The following MTMR9 variants were observed in gnomAD, a reference collection of about 807,000 sequenced individuals.
MTMR9 encodes the protein myotubularin-related protein 9.
Under a neutral mutation model 69.5 loss-of-function variants are expected in MTMR9, and 39 were observed. The ratio of observed to expected loss-of-function variants is 0.56; its 90% CI spans 0.43 to 0.73. MTMR9 has a LOEUF of 0.73. MTMR9 is among the 30% of genes least tolerant of loss of function. The pLI, the probability that MTMR9 is intolerant of heterozygous loss-of-function variation, is 0.00. For synonymous variants in MTMR9, 354 were observed against 240.8 expected, an observed-to-expected ratio of 1.47 and a Z score of -4.35; for missense variants, 900 against 671.2, an observed-to-expected ratio of 1.34 and a Z score of -3.77.
At chr8:11,299,189 G>A (rs1310592868) in intron 2 of MTMR9, among the ~76,000 whole-genome samples, 1 of 152,118 alleles carries the variant, frequency 6.6e-6, no homozygotes, top group Non-Finnish European at 1.5e-5. Context: ...AATTAGCTGG[G>A]TGTGGTGGCA....
chr8:11,299,284 C>G (rs376114057), intron 2 of MTMR9, among the ~76,000 whole-genome samples: 2 of 152,130 alleles, frequency 1.3e-5, no homozygotes, highest in Admixed American at 1.3e-4. Context: ...GAGCCGAGAT[C>G]GCGCCATTCT....
At chr8:11,306,143 C>G (rs1799929937) in intron 4 of MTMR9, 47 bp from the exon 5 acceptor site, 3 of 1,550,764 alleles carry the variant, frequency 1.9e-6, no homozygotes, top group African/African-American at 2.7e-5. Context: ...TTTTCAGAAA[C>G]TTTAAAAGCA....
At chr8:11,294,826 C>G (rs1053491495) in intron 1 of MTMR9, 2 of 156,114 alleles carry the variant, frequency 1.3e-5, no homozygotes, top group Admixed American at 1.3e-4. Context: ...ATATGTATCA[C>G]TTGGAAGTAA....
At chr8:11,297,698 C>T (rs1799609240) in intron 2 of MTMR9, among the ~76,000 whole-genome samples, 1 of 152,084 alleles carries the variant, frequency 6.6e-6, no homozygotes, top group Non-Finnish European at 1.5e-5. Flanking sequence ...TACCCACTTG[C>T]TGACGCTGAT....
downstream of MTMR9, chr8:11,331,838 C>T (rs141311356): frequency 1.3e-4 from 208 of 1,611,922 alleles, 1 homozygote; most frequent in African/African-American, 1.3e-3. Flanking sequence ...TGCAGACCCC[C>T]GTGTTGCCCA....
chr8:11,297,974 A>G (rs1799618236), intron 2 of MTMR9: 3 of 456,278 alleles, frequency 6.6e-6, no homozygotes, highest in Admixed American at 2.3e-5. Flanking sequence ...TGAATTTTTC[A>G]TATAGCATAG....
At chr8:11,315,482 T>C (rs1800378265) in intron 7 of MTMR9, among the ~76,000 whole-genome samples, 1 of 152,202 alleles carries the variant, frequency 6.6e-6, no homozygotes, top group Admixed American at 6.5e-5. Flanking sequence ...CCTTCAAAGA[T>C]AAAACTGAAT....
Position 11,309,708 on chromosome 8 carries a change from TC to T in MTMR9, c.971+22del, listed in dbSNP as rs752789463. On this transcript the variant is annotated intron_variant, in intron 6 of 9. Coordinates refer to ENST00000221086, the MANE Select transcript of MTMR9 (RefSeq NM_015458.4). ...CGACAGGTAAAGTGCATTTCAGCGT[TC>T]CTGAGCGAAACATGGCGCTGCTAAC... 1 of 1,611,092 alleles carries T rather than the reference TC, an allele frequency of 6.2e-7. No homozygotes were observed. Among genetic ancestry groups the T allele is most frequent in the Non-Finnish European group, 8.5e-7 (1 of 1,178,596 alleles).
chr8:11,306,630 T>G (rs1171287108), intron 5 of MTMR9, among the ~76,000 whole-genome samples: 1 of 152,114 alleles, frequency 6.6e-6, no homozygotes, highest in East Asian at 1.9e-4. Context: ...TATTTTGATA[T>G]ACATATACAT....
chr8:11,318,731 G>A (rs554565037), intron 8 of MTMR9: 3 of 152,286 alleles, frequency 2.0e-5, no homozygotes, highest in African/African-American at 7.2e-5. Context: ...TTCATTGTAT[G>A]TGGATATAGA....
chr8:11,303,939 A>G (rs1799841376), intron 3 of MTMR9, among the ~76,000 whole-genome samples: 1 of 152,220 alleles, frequency 6.6e-6, no homozygotes, highest in Non-Finnish European at 1.5e-5. Flanking sequence ...TAAAAGTAAT[A>G]ATCTTGTCTG....
At chr8:11,298,366 G>T (rs1799628777) in intron 2 of MTMR9, among the ~76,000 whole-genome samples, 1 of 151,904 alleles carries the variant, frequency 6.6e-6, no homozygotes, top group African/African-American at 2.4e-5. Context: ...GCCAAAGACA[G>T]TATAGATGTA....
intron 6 of MTMR9, among the ~76,000 whole-genome samples, chr8:11,311,650 G>T (rs762707524): frequency 1.1e-4 from 17 of 152,214 alleles, no homozygotes; most frequent in Non-Finnish European, 2.2e-4. Context: ...GATGGCTGCT[G>T]ACTGATCAGG....
Position 11,309,651 on chromosome 8 carries a change from C to T in MTMR9, c.934C>T (p.Leu312=), listed in dbSNP as rs35927540. 4.3e-5 allele frequency: 69 copies of T among 1,613,820 alleles called. No individual in the cohort carries two copies. In the African/African-American group the frequency reaches 5.5e-4, roughly 13 times the overall value. The change falls in exon 6 of 10, where the codon CTG becomes TTG. Residue 312 remains leucine (L), a synonymous_variant. Coordinates refer to ENST00000221086, the MANE Select transcript of MTMR9 (RefSeq NM_015458.4). ...CTGGCTGACTCACATCAAAGAGATT[C>T]TGACAACTGCCTGCCTAGCGGCTCA... The part of the protein sequence containing the change: ...SNWLTHIKEI[L]TTACLAAQCI...
chr8:11,296,987 A>C (rs776961420), intron 2 of MTMR9, among the ~76,000 whole-genome samples: 6 of 152,198 alleles, frequency 3.9e-5, no homozygotes, highest in Non-Finnish European at 8.8e-5. Context: ...TTTCCATTCT[A>C]ACCAACTATT....
chr8:11,288,921 C>T (rs1020244885), intron 1 of MTMR9, among the ~76,000 whole-genome samples: 6 of 152,186 alleles, frequency 3.9e-5, no homozygotes, highest in Non-Finnish European at 5.9e-5. Flanking sequence ...GCCTGTAATC[C>T]CAGCACTCTG....
the MTMR9 span, among the ~76,000 whole-genome samples, chr8:11,338,142 G>C: frequency 6.6e-6 from 1 of 152,218 alleles, no homozygotes; most frequent in Non-Finnish European, 1.5e-5. Flanking sequence ...GTCCTGGCAA[G>C]GACATCTGGA....
rs1225342603 is a variant in MTMR9 at position 11,325,217 on chromosome 8, AT to A, written c.*2430del. ...ACAGAAGTGTTATTTGGTAATCCAA[AT>A]ATTAGAGTTTTCCCAAATCCAAAAA... On this transcript the variant is annotated 3_prime_UTR_variant, in exon 10 of 10. Transcript: ENST00000221086. The A allele has an allele frequency of 6.6e-6, 1 of 152,096 alleles. No individual in the cohort carries two copies. Among genetic ancestry groups the A allele is most frequent in the Non-Finnish European group, 1.5e-5 (1 of 68,042 alleles). 9.4% of individuals were successfully genotyped at this position (152,096 alleles called of 1,614,324 possible).
chr8:11,298,961 C>G (rs935237081), intron 2 of MTMR9: 2 of 743,072 alleles, frequency 2.7e-6, no homozygotes, highest in African/African-American at 1.9e-5. Context: ...TGATACATGA[C>G]CAAATGGCAT....
Sources: gnomAD v4.1 joint callset for allele counts (sites outside exome capture counted in the v4.1 genomes callset) on GRCh38, gnomAD v4.1.1 for gene constraint, MANE v1.5 for transcripts, NCBI Gene and HGNC (gene_info 2026-07-23, HGNC 2026-07-21) for gene names.